Variants in MCPH1 observed in about 807,000 individuals in gnomAD.
The protein encoded by MCPH1 is microcephalin 1.
Under a neutral mutation model 84.5 loss-of-function variants are expected in MCPH1, and 104 were observed. The ratio of observed to expected loss-of-function variants is 1.23; its 90% CI spans 1.05 to 1.45. The LOEUF (loss-of-function observed/expected upper bound fraction) is 1.45. Among genes scored for constraint, MCPH1 ranks in the 40% most tolerant of loss-of-function variants. The pLI is 0.00. For missense variants in MCPH1, 1,498 were observed against 1,005.7 expected, an observed-to-expected ratio of 1.49 and a Z score of -6.62; for synonymous variants, 514 against 366.8, an observed-to-expected ratio of 1.40 and a Z score of -4.58.
chr8:6,508,704 G>C (rs1193913053), intron 12 of MCPH1: 2 of 632,672 alleles, frequency 3.2e-6, no homozygotes, highest in African/African-American at 3.7e-5. Context: ...GCTAGGTCCT[G>C]AGGAGACACA....
chr8:6,565,937 G>A (rs767929101), intron 12 of MCPH1, among the ~76,000 whole-genome samples: 6 of 152,158 alleles, frequency 3.9e-5, no homozygotes, highest in Admixed American at 6.5e-5. Flanking sequence ...GGAAATTATC[G>A]GAACCAGAGA....
chr8:6,500,116 C>A, intron 12 of MCPH1, 187 bp downstream of exon 12: 1 of 606,352 alleles, frequency 1.6e-6, no homozygotes, highest in South Asian at 1.9e-5. Flanking sequence ...AACGTGAGAC[C>A]ATTGTGCAAA....
intron 12 of MCPH1, among the ~76,000 whole-genome samples, chr8:6,540,310 A>G (rs1380414203): frequency 6.6e-6 from 1 of 152,166 alleles, no homozygotes; most frequent in Non-Finnish European, 1.5e-5. Flanking sequence ...AAAATGTTCC[A>G]TTTATTTTCT....
intron 9 of MCPH1, among the ~76,000 whole-genome samples, chr8:6,460,418 G>A (rs935770511): frequency 3.3e-5 from 5 of 151,582 alleles, no homozygotes; most frequent in South Asian, 4.2e-4. Flanking sequence ...GTCTCTCCAC[G>A]TTGGCCAGGC....
chr8:6,617,900 AATCTATCTATCTATCT>A (rs142071946), intron 12 of MCPH1, among the ~76,000 whole-genome samples: 5 of 143,134 alleles, frequency 3.5e-5, no homozygotes, highest in East Asian at 2.1e-4. Flanking sequence ...CTATCTATCT[AATCTATCTATCTATCT>A]ATCTATCTAT....
chr8:6,552,307 A>G (rs1428168705), intron 12 of MCPH1, among the ~76,000 whole-genome samples: 2 of 152,232 alleles, frequency 1.3e-5, no homozygotes, highest in Non-Finnish European at 2.9e-5. Flanking sequence ...GAATGTGGCC[A>G]TATTCACGCA....
intron 11 of MCPH1, chr8:6,494,205 C>G (rs1333979734): frequency 6.6e-6 from 1 of 152,196 alleles, no homozygotes; most frequent in Non-Finnish European, 1.5e-5. Flanking sequence ...TCCCAAGGAA[C>G]TGGGATTACA....
intron 12 of MCPH1, among the ~76,000 whole-genome samples, chr8:6,583,549 G>T (rs1827732092): frequency 6.6e-6 from 1 of 152,194 alleles, no homozygotes; most frequent in Non-Finnish European, 1.5e-5. Context: ...GTGGACAAAA[G>T]GAAGCGAGGG....
chr8:6,485,672 T>G (rs1809800617), intron 11 of MCPH1, among the ~76,000 whole-genome samples: 1 of 152,346 alleles, frequency 6.6e-6, no homozygotes, highest in East Asian at 1.9e-4. Context: ...GATGTCGCTA[T>G]TTGTTAATAG....
At chr8:6,577,548 A>G (rs1827218404) in intron 12 of MCPH1, among the ~76,000 whole-genome samples, 1 of 152,244 alleles carries the variant, frequency 6.6e-6, no homozygotes, top group African/African-American at 2.4e-5. Flanking sequence ...CCTTTTCAAG[A>G]CAACTTTAGA....
At chr8:6,597,988 C>T (rs1829055998) in intron 12 of MCPH1, among the ~76,000 whole-genome samples, 1 of 152,216 alleles carries the variant, frequency 6.6e-6, no homozygotes, top group Non-Finnish European at 1.5e-5. Context: ...CCACTCATGT[C>T]TGCTGAATAA....
intron 12 of MCPH1, among the ~76,000 whole-genome samples, chr8:6,517,353 T>C (rs907597615): frequency 6.6e-6 from 1 of 152,224 alleles, no homozygotes; most frequent in African/African-American, 2.4e-5. Context: ...ACGGGTTAAA[T>C]AGCAAACCAT....
intron 12 of MCPH1, chr8:6,514,817 C>T (rs1289947340): frequency 1.3e-6 from 2 of 1,555,208 alleles, no homozygotes; most frequent in Non-Finnish European, 1.8e-6. Flanking sequence ...ACAGAGCCCC[C>T]CCACTCCCCC....
chr8:6,589,565 G>C lies in MCPH1; in HGVS notation c.2215-31889G>C, dbSNP rs573638728. On this transcript the variant is annotated intron_variant, in intron 12 of 13. Coordinates refer to ENST00000344683, the MANE Select transcript of MCPH1 (RefSeq NM_024596.5). ...AGTTTGTTTTCAGGAAGACAAGGCA[G>C]TGGGGAAGGGAAGGGTGCTAAGCTT... Among the ~76,000 whole-genome samples the C allele has an allele frequency of 5.9e-5, 9 of 152,330 alleles. No homozygotes were observed. In the East Asian group the frequency reaches 1.5e-3, roughly 26 times the overall value.
chr8:6,632,845 A>G (rs557586015), intron 13 of MCPH1, among the ~76,000 whole-genome samples: 1 of 152,240 alleles, frequency 6.6e-6, no homozygotes, highest in Admixed American at 6.5e-5. Context: ...GAAATAAGAT[A>G]TTTCATCAAG....
chr8:6,466,843 T>A (rs1807042196), intron 9 of MCPH1, among the ~76,000 whole-genome samples: 1 of 152,238 alleles, frequency 6.6e-6, no homozygotes, highest in Non-Finnish European at 1.5e-5. Context: ...TCCAAAGTGC[T>A]GGGATTACAG....
chr8:6,578,182 C>G (rs1315586587), intron 12 of MCPH1, among the ~76,000 whole-genome samples: 1 of 152,208 alleles, frequency 6.6e-6, no homozygotes, highest in African/African-American at 2.4e-5. Context: ...GGAATAAGCT[C>G]CAGCCACTGT....
chr8:6,581,137 G>A (rs1827535885), intron 12 of MCPH1, among the ~76,000 whole-genome samples: 1 of 152,162 alleles, frequency 6.6e-6, no homozygotes, highest in Non-Finnish European at 1.5e-5. Context: ...GAGCATCCAT[G>A]GATTTTGATA....
chr8:6,422,378 G>T (rs1800338407), intron 3 of MCPH1, among the ~76,000 whole-genome samples: 1 of 152,206 alleles, frequency 6.6e-6, no homozygotes, highest in Non-Finnish European at 1.5e-5. Flanking sequence ...TAGAAATGTG[G>T]AGGGGAGAGT....
Sources: allele counts gnomAD v4.1 joint callset (sites outside exome capture counted in the v4.1 genomes callset), GRCh38; gene constraint gnomAD v4.1.1; transcripts MANE v1.5; gene names NCBI Gene and HGNC (gene_info 2026-07-23, HGNC 2026-07-21).